VWA3B: variants seen among roughly 807,000 people sequenced by gnomAD.
VWA3B encodes von Willebrand factor A domain containing 3B.
Under a neutral mutation model 158.3 loss-of-function variants are expected in VWA3B, and 138 were observed. The ratio of observed to expected loss-of-function variants is 0.87; its 90% CI spans 0.76 to 1.00. VWA3B has a LOEUF of 1.00. Among genes scored for constraint, VWA3B ranks in the 50% least tolerant of loss-of-function variants. VWA3B has a pLI of 0.00. For missense variants in VWA3B, 1,555 were observed against 1,565.1 expected, an observed-to-expected ratio of 0.99 and a Z score of 0.11; for synonymous variants, 596 against 587.3, an observed-to-expected ratio of 1.01 and a Z score of -0.21.
rs1030408945 is a variant in VWA3B, at chr2:98,093,059, A to G, written c.-32-2A>G. 1.0e-5 allele frequency: 16 copies of G among 1,603,462 alleles called. No homozygotes were observed. The Admixed American group carries it at 1.7e-4, about 17-fold the overall frequency. The stretch of plus-strand genomic sequence containing the variant: ...AGTCTGAGTTTATGATTGCCCTTAC[A>G]GGAGTTTGCTGTGACTTAGATCTTG... On this transcript the variant is annotated splice_acceptor_variant, in intron 1 of 27. Transcript: ENST00000477737. LOFTEE classifies it low-confidence loss of function (5UTR_SPLICE).
intron 7 of VWA3B, among the ~76,000 whole-genome samples, chr2:98,144,476 G>T (rs1159018145): frequency 6.6e-6 from 1 of 150,918 alleles, no homozygotes; most frequent in Non-Finnish European, 1.5e-5. Flanking sequence ...GTTCTCTCTT[G>T]GTTGGCTGAA....
intron 21 of VWA3B, among the ~76,000 whole-genome samples, chr2:98,263,054 C>G (rs1367682494): frequency 6.6e-6 from 1 of 151,654 alleles, no homozygotes; most frequent in Non-Finnish European, 1.5e-5. Context: ...TGGGATTATT[C>G]TCTTAATTCC....
intron 9 of VWA3B, among the ~76,000 whole-genome samples, chr2:98,181,735 T>A (rs939131882): frequency 6.6e-6 from 1 of 152,184 alleles, no homozygotes; most frequent in South Asian, 2.1e-4. Flanking sequence ...TTTGTAGGAA[T>A]ACAGCTTCTC....
the VWA3B span, among the ~76,000 whole-genome samples, chr2:98,320,605 G>A: frequency 6.6e-6 from 1 of 152,192 alleles, no homozygotes; most frequent in Non-Finnish European, 1.5e-5. Context: ...TGGAGATGAG[G>A]AAATTGTTGG....
chr2:98,278,632 C>A (rs1438930398), intron 22 of VWA3B, among the ~76,000 whole-genome samples: 4 of 152,156 alleles, frequency 2.6e-5, no homozygotes, highest in Non-Finnish European at 5.9e-5. Flanking sequence ...GAGGTCCCGC[C>A]ATCAAGCCAT....
chr2:98,187,891 A>T, intron 9 of VWA3B, 84 bp from the exon 10 acceptor site: 2 of 1,416,452 alleles, frequency 1.4e-6, no homozygotes, highest in Non-Finnish European at 1.9e-6. Context: ...AGCCACTTGA[A>T]TACGACAGAG....
At chr2:98,239,710 G>A (rs767674377) in intron 19 of VWA3B, among the ~76,000 whole-genome samples, 4 of 151,772 alleles carry the variant, frequency 2.6e-5, no homozygotes, top group South Asian at 2.1e-4. Flanking sequence ...TCAGGAGATC[G>A]AGACCATCCT....
At chr2:98,319,819 G>A in the VWA3B span, among the ~76,000 whole-genome samples, 1 of 151,678 alleles carries the variant, frequency 6.6e-6, no homozygotes, top group African/African-American at 2.4e-5. Context: ...GGCAGAGGTT[G>A]CAATGAGCCT....
At chr2:98,304,379 T>A (rs764037302) in intron 26 of VWA3B, among the ~76,000 whole-genome samples, 5 of 152,154 alleles carry the variant, frequency 3.3e-5, no homozygotes, top group Non-Finnish European at 5.9e-5. Context: ...ATTGGGCTCA[T>A]GGAGCCATGA....
At chr2:98,178,216 G>A (rs982103251) in intron 8 of VWA3B, among the ~76,000 whole-genome samples, 4 of 152,114 alleles carry the variant, frequency 2.6e-5, no homozygotes, top group Admixed American at 1.3e-4. Flanking sequence ...CCGGAGAAGC[G>A]TGAAAAAATG....
At chr2:98,287,511 G>A (rs986793626) in intron 22 of VWA3B, among the ~76,000 whole-genome samples, 2 of 152,156 alleles carry the variant, frequency 1.3e-5, no homozygotes, top group Non-Finnish European at 2.9e-5. Flanking sequence ...GAAGGCTACA[G>A]GGGATTTTGA....
chr2:98,285,996 T>G (rs141340971), intron 22 of VWA3B, among the ~76,000 whole-genome samples: 2 of 152,250 alleles, frequency 1.3e-5, no homozygotes, highest in African/African-American at 4.8e-5. Context: ...TCCACTTATT[T>G]TGATAAATTT....
At chr2:98,290,704 GC>G (rs765818242) in intron 23 of VWA3B, 82 bp downstream of exon 23, 1 of 964,258 alleles carries the variant, frequency 1.0e-6, no homozygotes, top group South Asian at 1.5e-5. Flanking sequence ...CTGTGCTTTT[GC>G]TAGAACACTG....
Position 98,300,019 on chromosome 2 carries a change from A to T in VWA3B, c.3283-60A>T, listed in dbSNP as rs17029642. The T allele has an allele frequency of 7.0e-3, 11,214 of 1,601,852 alleles. 1,283 individuals are homozygous for T. In the Admixed American group the frequency reaches 0.18, roughly 26 times the overall value. On this transcript the variant is annotated intron_variant, in intron 24 of 27. Coordinates refer to ENST00000477737, the MANE Select transcript of VWA3B (RefSeq NM_144992.5). ...CCTTGGAGTATTTTAAAACTTGCTT[A>T]TGTTAACATTGTCTGTACAATCCAT...
chr2:98,141,548 C>T (rs1039280075), intron 7 of VWA3B, among the ~76,000 whole-genome samples: 1 of 152,034 alleles, frequency 6.6e-6, no homozygotes, highest in Non-Finnish European at 1.5e-5. Flanking sequence ...GGGATCTGCC[C>T]TTGTCACCCA....
intron 22 of VWA3B, among the ~76,000 whole-genome samples, chr2:98,278,875 C>A (rs955474056): frequency 6.6e-6 from 1 of 152,278 alleles, no homozygotes; most frequent in East Asian, 1.9e-4. Flanking sequence ...CCAGTATTTC[C>A]CTGCCTCCTG....
intron 21 of VWA3B, among the ~76,000 whole-genome samples, chr2:98,263,110 G>T (rs150421133): frequency 6.6e-6 from 1 of 151,666 alleles, no homozygotes; most frequent in Admixed American, 6.6e-5. Context: ...AACTTATTTT[G>T]TGTATTGATT....
intron 2 of VWA3B, among the ~76,000 whole-genome samples, chr2:98,095,569 G>C (rs996465033): frequency 5.9e-5 from 9 of 152,148 alleles, no homozygotes; most frequent in Admixed American, 3.3e-4. Flanking sequence ...TCTGCAAATA[G>C]GGACAATTTA....
intron 9 of VWA3B, among the ~76,000 whole-genome samples, chr2:98,183,717 G>C (rs1317284955): frequency 6.6e-6 from 1 of 152,202 alleles, no homozygotes; most frequent in Non-Finnish European, 1.5e-5. Flanking sequence ...ATGGCGGAAG[G>C]CACACTGGAT....
Sources: gnomAD v4.1 joint callset for allele counts (sites outside exome capture counted in the v4.1 genomes callset) on GRCh38, gnomAD v4.1.1 for gene constraint, MANE v1.5 for transcripts, NCBI Gene and HGNC (gene_info 2026-07-23, HGNC 2026-07-21) for gene names.